The following TCF24 variants were observed in gnomAD, a reference collection of about 807,000 sequenced individuals.
TCF24 encodes the protein transcription factor 24.
In TCF24, 5 loss-of-function variants were observed where a neutral mutation model predicts 9.3. The observed-to-expected ratio is 0.54, with a 90% CI of 0.28 to 1.13. TCF24 has a LOEUF of 1.13. Among genes scored for constraint, TCF24 ranks in the 50% most tolerant of loss-of-function variants. The pLI, the probability that TCF24 is intolerant of heterozygous loss-of-function variation, is 0.09. For missense variants in TCF24, 220 were observed against 236.1 expected (o/e 0.93, Z 0.45); for synonymous variants, 110 against 115.8 (o/e 0.95, Z 0.32).
In TCF24 at chr8:66,946,594, T is replaced by C. The variant is rs1352523982; in HGVS notation, c.*1457A>G. On this transcript the variant is annotated 3_prime_UTR_variant, in exon 4 of 4. Coordinates refer to ENST00000563496, the MANE Select transcript of TCF24 (RefSeq NM_001193502.2). Reference sequence around the variant, plus strand: ...AAGAGCATGCTCTTTTGAATCTGAGTGAAAATATGCAATTTCTCCTCTGTA... The same window carrying C: ...AAGAGCATGCTCTTTTGAATCTGAGCGAAAATATGCAATTTCTCCTCTGTA... 1 of 152,144 alleles carries C rather than the reference T, an allele frequency of 6.6e-6. No individual in the cohort carries two copies. Among genetic ancestry groups the C allele is most frequent in the African/African-American group, 2.4e-5 (1 of 41,440 alleles). 9.4% of individuals were successfully genotyped at this position (152,144 alleles called of 1,614,324 possible). A position where few individuals can be genotyped will look rare whatever the true frequency, so the allele number is the denominator to read the frequency against.
At chr8:66,961,197 C>A (rs1159653968) in intron 3 of TCF24, among the ~76,000 whole-genome samples, 179 bp downstream of exon 3, 2 of 152,222 alleles carry the variant, frequency 1.3e-5, no homozygotes, top group African/African-American at 4.8e-5. Flanking sequence ...CGCGAAGGAG[C>A]CGGCTTTCGC....
At chr8:66,957,409 C>G (rs935311025) in intron 3 of TCF24, among the ~76,000 whole-genome samples, 1 of 90,890 alleles carries the variant, frequency 1.1e-5, no homozygotes, top group Non-Finnish European at 2.0e-5. Flanking sequence ...AAGAGTGAAA[C>G]TCCATATCAA....
chr8:66,956,252 T>A (rs1472176192), intron 3 of TCF24, among the ~76,000 whole-genome samples: 1 of 151,618 alleles, frequency 6.6e-6, no homozygotes, highest in Non-Finnish European at 1.5e-5. Flanking sequence ...TGAGCCACCA[T>A]GCCTGGACTC....
At chr8:66,960,759 A>AAC (rs1814239718) in intron 3 of TCF24, among the ~76,000 whole-genome samples, 1 of 152,210 alleles carries the variant, frequency 6.6e-6, no homozygotes, top group African/African-American at 2.4e-5. Flanking sequence ...ATCTATTACG[A>AAC]ACGTATTTAA....
At chr8:66,961,854 C>A (rs1223577685) in intron 2 of TCF24, 23 bp downstream of exon 2, 2 of 986,420 alleles carry the variant, frequency 2.0e-6, no homozygotes, top group East Asian at 1.9e-4. Flanking sequence ...GGCGCAGCCC[C>A]CTGGTTCTCC....
chr8:66,953,762 T>C (rs1459714840), intron 3 of TCF24, among the ~76,000 whole-genome samples: 1 of 152,104 alleles, frequency 6.6e-6, no homozygotes, highest in Non-Finnish European at 1.5e-5. Context: ...TCTTTTCACA[T>C]AGTCCCATAT....
intron 3 of TCF24, among the ~76,000 whole-genome samples, chr8:66,949,144 T>G (rs557367946): frequency 1.3e-5 from 2 of 152,184 alleles, no homozygotes; most frequent in South Asian, 4.1e-4. Context: ...AGGGTACATG[T>G]GCACATTGTG....
intron 3 of TCF24, among the ~76,000 whole-genome samples, chr8:66,960,597 T>A (rs1814237006): frequency 6.6e-6 from 1 of 152,248 alleles, no homozygotes; most frequent in South Asian, 2.1e-4. Context: ...AATACTGCAG[T>A]AGGTAACGAA....
In TCF24 at chr8:66,961,694, G is replaced by C. The variant is rs950571000; in HGVS notation, c.72C>G (p.Ile24Met). 2 of 1,093,224 alleles carry C rather than the reference G, an allele frequency of 1.8e-6. No individual in the cohort carries two copies. Among genetic ancestry groups the C allele is most frequent in the Non-Finnish European group, 2.2e-6 (2 of 900,586 alleles). The allele number at this position is 1,093,224 out of a possible 1,614,324, so 67.7% of individuals were successfully genotyped here. Reference protein sequence around the residue: ...SAEPAPLAAAIRDSRPGRTGP... With the variant: ...SAEPAPLAAAMRDSRPGRTGP... ...CGGTCCGCCCGGGACGCGAGTCGCG[G>C]ATGGCGGCGGCCAGGGGCGCGGGCT... is the stretch of plus-strand genomic sequence containing the variant. Residue 24 changes from isoleucine to methionine, a missense_variant, in exon 3 of 4, where the codon ATC becomes ATG. Ile to Met is a conservative substitution (Grantham distance 10, BLOSUM62 1). Transcript: ENST00000563496.
chr8:66,960,196 T>A (rs1166416000), intron 3 of TCF24, among the ~76,000 whole-genome samples: 1 of 152,172 alleles, frequency 6.6e-6, no homozygotes, highest in African/African-American at 2.4e-5. Context: ...AACTTACAAA[T>A]GAAATAAAGT....
At chr8:66,953,325 TA>T (rs1198433829) in intron 3 of TCF24, among the ~76,000 whole-genome samples, 13 of 150,594 alleles carry the variant, frequency 8.6e-5, no homozygotes, top group African/African-American at 3.1e-4. Context: ...TGCTTGTCTG[TA>T]AAGTATTTTA....
chr8:66,954,449 G>C (rs1377733982), intron 3 of TCF24, among the ~76,000 whole-genome samples: 7 of 145,424 alleles, frequency 4.8e-5, no homozygotes, highest in Non-Finnish European at 1.1e-4. Context: ...CAGTCTGCCC[G>C]TTCTCAGATC....
At chr8:66,955,815 G>A (rs755429251) in intron 3 of TCF24, among the ~76,000 whole-genome samples, 2 of 152,090 alleles carry the variant, frequency 1.3e-5, no homozygotes, top group Non-Finnish European at 2.9e-5. Flanking sequence ...ACCTAAACTG[G>A]GACTCCAAAT....
intron 3 of TCF24, among the ~76,000 whole-genome samples, chr8:66,955,806 C>T (rs1378925253): frequency 6.6e-6 from 1 of 152,172 alleles, no homozygotes; most frequent in Non-Finnish European, 1.5e-5. Flanking sequence ...GTTATTTTCA[C>T]CTAAACTGGG....
intron 3 of TCF24, among the ~76,000 whole-genome samples, chr8:66,953,609 G>A (rs201464086): frequency 1.8e-4 from 26 of 147,294 alleles, no homozygotes; most frequent in East Asian, 4.0e-4. Context: ...TCTTTGTGGC[G>A]TTCTCTGTAT....
At chr8:66,948,705 A>ATCTATCTATCTAT (rs746421033) in intron 3 of TCF24, among the ~76,000 whole-genome samples, 139 of 138,290 alleles carry the variant, frequency 1.0e-3, no homozygotes, top group Middle Eastern at 3.8e-3. Context: ...CTATCTATCT[A>ATCTATCTATCTAT]TTTTTTTTGA....
chr8:66,948,663 C>CTATCTATT (rs1814002001), intron 3 of TCF24, among the ~76,000 whole-genome samples: 1 of 124,126 alleles, frequency 8.1e-6, no homozygotes, highest in Non-Finnish European at 1.8e-5. Context: ...AACTATCTAT[C>CTATCTATT]TATCTATCTA....
chr8:66,947,077 C>T lies in TCF24; in HGVS notation c.*974G>A, dbSNP rs1410002044. The T allele has an allele frequency of 6.6e-6, 1 of 151,994 alleles. No homozygotes were observed. Among genetic ancestry groups the T allele is most frequent in the Non-Finnish European group, 1.5e-5 (1 of 67,990 alleles). 9.4% of individuals were successfully genotyped at this position (151,994 alleles called of 1,614,324 possible). A position where few individuals can be genotyped will look rare whatever the true frequency, so the allele number is the denominator to read the frequency against. On this transcript the variant is annotated 3_prime_UTR_variant, in exon 4 of 4. Coordinates refer to ENST00000563496, the MANE Select transcript of TCF24 (RefSeq NM_001193502.2). ...TTCCATGAGTAGGTAAATATGTTTA[C>T]AAATATTTAAATATGCAAGTACTTT...
chr8:66,957,895 TAAAAAAAAAAAAAA>T (rs11299517), intron 3 of TCF24, among the ~76,000 whole-genome samples: 4 of 43,038 alleles, frequency 9.3e-5, no homozygotes, highest in Non-Finnish European at 1.7e-4. Context: ...TAAGAATTGC[TAAAAAAAAAAAAAA>T]AAAAAAAAAA....
Sources: allele counts gnomAD v4.1 joint callset (sites outside exome capture counted in the v4.1 genomes callset), GRCh38; gene constraint gnomAD v4.1.1; transcripts MANE v1.5; gene names NCBI Gene and HGNC (gene_info 2026-07-23, HGNC 2026-07-21).